Variants in USP3 observed in about 807,000 individuals in gnomAD.
USP3 encodes ubiquitin carboxyl-terminal hydrolase 3.
In USP3, 20 loss-of-function variants were observed where a neutral mutation model predicts 72.3. The ratio of observed to expected loss-of-function variants is 0.28; its 90% CI spans 0.19 to 0.40. USP3 has a LOEUF of 0.40. Among genes scored for constraint, USP3 ranks in the 10% least tolerant of loss-of-function variants. The pLI is 1.00. For synonymous variants in USP3, 222 were observed against 225.3 expected (o/e 0.99, Z 0.13); for missense variants, 479 against 633.9 (o/e 0.76, Z 2.62).
At chr15:63,551,926 A>G (rs1045197491) in intron 3 of USP3, 5 of 152,236 alleles carry the variant, frequency 3.3e-5, no homozygotes, top group Admixed American at 6.5e-5. Flanking sequence ...TAACAAACGT[A>G]ATTTTATGAC....
At chr15:63,547,777 A>G (rs866710485) in intron 3 of USP3, among the ~76,000 whole-genome samples, 4 of 28,846 alleles carry the variant, frequency 1.4e-4, no homozygotes, top group Non-Finnish European at 4.8e-4. Context: ...AGAGAGAGAG[A>G]GAGAGAGAGA....
At position 63,591,104 on chromosome 15, in the gene USP3, T is replaced by TTTATG. The variant is rs754189617; in HGVS notation, c.*282_*286dup. The TTTATG allele has an allele frequency of 3.3e-6, 1 of 306,492 alleles. No individual in the cohort carries two copies. The highest frequency in any genetic ancestry group is 6.0e-6 in the Non-Finnish European group (1 of 166,500). 19.0% of individuals were successfully genotyped at this position (306,492 alleles called of 1,614,324 possible). A position where few individuals can be genotyped will look rare whatever the true frequency, so the allele number is the denominator to read the frequency against. On this transcript the variant is annotated 3_prime_UTR_variant, in exon 15 of 15. Transcript: ENST00000380324. The stretch of plus-strand genomic sequence containing the variant: ...ACTTAGTCTTATTTGACTTTTTTAT[T>TTTATG]TTATGTTAATGTTTTCAGTTCTCAC...
Position 63,570,516 on chromosome 15 carries a change from G to A in USP3, c.845G>A (p.Gly282Asp), listed in dbSNP as rs777976100. The change falls in exon 9 of 15, where the codon GGT (glycine) becomes GAT (aspartate). Residue 282 changes from glycine to aspartate, a missense_variant. Transcript: ENST00000380324. This position sits in a 1 kb window ranked among gnomAD's most constrained non-coding sequence, Gnocchi z 4.4. ...LHLELQGGFN[G>D]VSRSAILQEN... Reference sequence around the variant, plus strand: ...TTGGAACTTCAGGGCGGTTTCAACGGTGTTTCCCGCTCAGCAATTCTGCAG... The same window carrying A: ...TTGGAACTTCAGGGCGGTTTCAACGATGTTTCCCGCTCAGCAATTCTGCAG... The A allele has an allele frequency of 1.9e-6, 3 of 1,614,180 alleles. No individual in the cohort carries two copies. The highest frequency in any genetic ancestry group is 1.7e-6 in the Non-Finnish European group (2 of 1,180,026).
intron 9 of USP3, among the ~76,000 whole-genome samples, chr15:63,572,381 GTT>G (rs1007454964): frequency 7.1e-6 from 1 of 141,656 alleles, no homozygotes; most frequent in Non-Finnish European, 1.6e-5. Context: ...GCAGGGTTTT[GTT>G]TTTTTTTTTG....
At chr15:63,509,910 C>T (rs1229834582) in intron 1 of USP3, among the ~76,000 whole-genome samples, 1 of 152,164 alleles carries the variant, frequency 6.6e-6, no homozygotes, top group Non-Finnish European at 1.5e-5. Context: ...AGTTCTTTCC[C>T]TAATAATATG....
At position 63,528,114 on chromosome 15, in the gene USP3, T is replaced by G. The variant is rs1020025218; in HGVS notation, c.92-4533T>G. ...CAGAGGAAGATTCTGAAGCCGTAGC[T>G]GAAGAGGAGGCAGTGAAAGGAGCCT... On this transcript the variant is annotated intron_variant, in intron 1 of 14. Coordinates refer to ENST00000380324, the MANE Select transcript of USP3 (RefSeq NM_006537.4). This position sits in a 1 kb window ranked among gnomAD's most constrained non-coding sequence, Gnocchi z 4.3. The G allele has an allele frequency of 6.6e-6, 1 of 152,294 alleles. No homozygotes were observed. Among genetic ancestry groups the G allele is most frequent in the African/African-American group, 2.4e-5 (1 of 41,424 alleles). The allele number at this position is 152,294 out of a possible 1,614,324, so 9.4% of individuals were successfully genotyped here. A position where few individuals can be genotyped will look rare whatever the true frequency, so the allele number is the denominator to read the frequency against.
At chr15:63,530,552 A>G (rs566004815) in intron 1 of USP3, 15 of 395,448 alleles carry the variant, frequency 3.8e-5, no homozygotes, top group Middle Eastern at 7.2e-4. Flanking sequence ...GACTCAAGCA[A>G]TCTGCCTGCC....
intron 11 of USP3, among the ~76,000 whole-genome samples, chr15:63,580,649 TATGA>T (rs1175958961): frequency 2.3e-4 from 14 of 61,816 alleles, no homozygotes; most frequent in African/African-American, 7.6e-4. Flanking sequence ...TGCATATATA[TATGA>T]ATATATAATA....
chr15:63,553,047 T>C lies in USP3; in HGVS notation c.285-668T>C, dbSNP rs1243752725. On this transcript the variant is annotated intron_variant, in intron 3 of 14. Coordinates refer to ENST00000380324, the MANE Select transcript of USP3 (RefSeq NM_006537.4). The surrounding 1 kb of genome is among the most constrained non-coding windows in gnomAD (Gnocchi z 4.2). ...CTTACATTATTTGCTTTTTGACTTATAAAACACACAGAGTATCGGTTTTTA... is the reference window on the plus strand; with the variant it reads ...CTTACATTATTTGCTTTTTGACTTACAAAACACACAGAGTATCGGTTTTTA... Among the ~76,000 whole-genome samples the C allele has an allele frequency of 1.3e-5, 2 of 152,252 alleles. No homozygotes were observed. Among genetic ancestry groups the C allele is most frequent in the African/African-American group, 2.4e-5 (1 of 41,472 alleles).
At chr15:63,587,177 T>G (rs1290993919) in intron 11 of USP3, among the ~76,000 whole-genome samples, 1 of 152,102 alleles carries the variant, frequency 6.6e-6, no homozygotes, top group African/African-American at 2.4e-5. Flanking sequence ...AATGGCTACT[T>G]CTGGGCAGAG....
chr15:63,561,597 C>T (rs1187514349), intron 7 of USP3, among the ~76,000 whole-genome samples: 3 of 152,226 alleles, frequency 2.0e-5, no homozygotes, highest in Admixed American at 2.0e-4. Flanking sequence ...GGTGCCATCC[C>T]TTCTTCTTTG....
intron 1 of USP3, among the ~76,000 whole-genome samples, chr15:63,507,516 C>T (rs1188387574): frequency 6.6e-6 from 1 of 152,060 alleles, no homozygotes; most frequent in African/African-American, 2.4e-5. Context: ...TATTAGAGGT[C>T]AGAACATCTT....
At position 63,574,186 on chromosome 15, in the gene USP3, T is replaced by A. The variant is rs930020184; in HGVS notation, c.1015+34T>A. 7.0e-7 allele frequency: 1 copy of A among 1,432,434 alleles called. No homozygotes were observed. Among genetic ancestry groups the A allele is most frequent in the Non-Finnish European group, 9.3e-7 (1 of 1,071,524 alleles). The allele number at this position is 1,432,434 out of a possible 1,614,324, so 88.7% of individuals were successfully genotyped here. The stretch of plus-strand genomic sequence containing the variant: ...TATGTGGCATGTGGATATATAATAT[T>A]TTATTAAAATAAATTTAATGTTTCC... On this transcript the variant is annotated intron_variant, in intron 10 of 14. Transcript: ENST00000380324. This position sits in a 1 kb window ranked among gnomAD's most constrained non-coding sequence, Gnocchi z 4.6.
chr15:63,533,176 A>G (rs2066103330), intron 2 of USP3, among the ~76,000 whole-genome samples: 1 of 152,126 alleles, frequency 6.6e-6, no homozygotes, highest in African/African-American at 2.4e-5. Flanking sequence ...TTTTGTATCA[A>G]ATCCCAGGTA....
intron 6 of USP3, 103 bp from the exon 7 acceptor site, chr15:63,559,754 A>G (rs1336914740): frequency 7.6e-6 from 7 of 926,274 alleles, no homozygotes; most frequent in African/African-American, 6.7e-5. Flanking sequence ...AAATGAGACA[A>G]TTGAAAAATG....
chr15:63,527,105 C>T lies in USP3; in HGVS notation c.92-5542C>T, dbSNP rs187714822. Among the ~76,000 whole-genome samples, 27 of 152,240 alleles carry T rather than the reference C, an allele frequency of 1.8e-4. 1 individual carries two copies. In the East Asian group the frequency reaches 3.1e-3, roughly 17 times the overall value. Reference sequence around the variant, plus strand: ...AGATATGGGGTTTCCCTGTGTTGCCCGGGCTGGTCTTGAACTCCTGGGCTC... The same window carrying T: ...AGATATGGGGTTTCCCTGTGTTGCCTGGGCTGGTCTTGAACTCCTGGGCTC... On this transcript the variant is annotated intron_variant, in intron 1 of 14. Transcript: ENST00000380324.
chr15:63,536,454 G>GAAA (rs11406191), intron 2 of USP3, among the ~76,000 whole-genome samples: 1 of 141,094 alleles, frequency 7.1e-6, no homozygotes, highest in Non-Finnish European at 1.5e-5. Flanking sequence ...TGGTCTGAGA[G>GAAA]AAAAAAAAAA....
rs1210808648 is a variant in USP3 at position 63,592,689 on chromosome 15, G to A, written c.*1863G>A. On this transcript the variant is annotated 3_prime_UTR_variant, in exon 15 of 15. Coordinates refer to ENST00000380324, the MANE Select transcript of USP3 (RefSeq NM_006537.4). ...GGGCTCAAGTGATCCACCCACCTTG[G>A]CTTCCCAAGGTGCTAGCATTACAGG... The A allele has an allele frequency of 6.6e-6, 1 of 151,600 alleles. No homozygotes were observed. The highest frequency in any genetic ancestry group is 1.5e-5 in the Non-Finnish European group (1 of 67,942). The allele number at this position is 151,600 out of a possible 1,614,324, so 9.4% of individuals were successfully genotyped here.
rs1363565862 is a variant in USP3, at chr15:63,590,535, A to G, written c.1398-126A>G. On this transcript the variant is annotated intron_variant, in intron 14 of 14. Transcript: ENST00000380324. ...GGAGGAAGGTAAAAACATTAATTTA[A>G]CAAGCATCTTAAATCAAAAGTCTAG... 3 of 955,806 alleles carry G rather than the reference A, an allele frequency of 3.1e-6. No homozygotes were observed. In the Admixed American group the frequency reaches 1.1e-4, roughly 35 times the overall value. The allele number at this position is 955,806 out of a possible 1,614,324, so 59.2% of individuals were successfully genotyped here. A position where few individuals can be genotyped will look rare whatever the true frequency, so the allele number is the denominator to read the frequency against.
Sources: gnomAD v4.1 joint callset for allele counts (sites outside exome capture counted in the v4.1 genomes callset) on GRCh38, gnomAD v4.1.1 for gene constraint, Gnocchi (gnomAD v3.1) non-coding constraint, MANE v1.5 for transcripts, NCBI Gene and HGNC (gene_info 2026-07-23, HGNC 2026-07-21) for gene names.